Variants in ATP2C1 observed in about 807,000 individuals in gnomAD.
ATP2C1 encodes the protein calcium-transporting ATPase type 2C member 1.
A neutral mutation model predicts 120.5 loss-of-function variants in ATP2C1; 31 were observed. That is an observed-to-expected ratio of 0.26 (90% CI 0.19 to 0.35). The LOEUF is 0.35. Ranked by LOEUF, ATP2C1 falls within the 10% of genes least tolerant of loss-of-function variation. The pLI, the probability that ATP2C1 is intolerant of heterozygous loss-of-function variation, is 1.00. For missense variants in ATP2C1, 731 were observed against 1,107.5 expected (o/e 0.66, Z 4.83); for synonymous variants, 351 against 358.7 (o/e 0.98, Z 0.24).
intron 11 of ATP2C1, among the ~76,000 whole-genome samples, chr3:130,958,666 A>C (rs1312062171): frequency 1.3e-5 from 2 of 152,152 alleles, no homozygotes; most frequent in Non-Finnish European, 2.9e-5. Flanking sequence ...TTCAAAGATA[A>C]AAGGTTAAAG....
At chr3:130,962,667 G>A (rs189891666) in intron 12 of ATP2C1, among the ~76,000 whole-genome samples, 3 of 139,352 alleles carry the variant, frequency 2.2e-5, no homozygotes, top group East Asian at 2.1e-4. Context: ...AAGATTCGTT[G>A]TATCTAGATT....
Position 130,869,429 on chromosome 3 carries a change from T to TAAAAAAAAAAAAAAAAAAAAAAAA in ATP2C1, c.108+18508_108+18531dup, listed in dbSNP as rs762137045. The TAAAAAAAAAAAAAAAAAAAAAAAA allele has an allele frequency of 2.8e-5, 3 of 106,628 alleles. 1 individual carries two copies. The highest frequency in any genetic ancestry group is 1.2e-4 in the African/African-American group (3 of 25,602). 6.6% of individuals were successfully genotyped at this position (106,628 alleles called of 1,614,324 possible). A position where few individuals can be genotyped will look rare whatever the true frequency, so the allele number is the denominator to read the frequency against. ...ACACCCAAGAATGATCAATAAAAAATAAAAAAAAAAAAAAAAAAAAAAAAA... is the reference window on the plus strand; with the variant it reads ...ACACCCAAGAATGATCAATAAAAAATAAAAAAAAAAAAAAAAAAAAAAAAAAAAAAAAAAAAAAAAAAAAAAAAA... On this transcript the variant is annotated intron_variant, in intron 1 of 26. Transcript: ENST00000504381.
intron 22 of ATP2C1, among the ~76,000 whole-genome samples, chr3:130,994,421 A>G (rs560417866): frequency 2.2e-4 from 34 of 152,276 alleles, no homozygotes; most frequent in Middle Eastern, 3.4e-3. Context: ...ATGCATATGT[A>G]TGGCTCTTTT....
At chr3:130,874,045 G>A (rs908807825) in intron 1 of ATP2C1, among the ~76,000 whole-genome samples, 2 of 151,826 alleles carry the variant, frequency 1.3e-5, no homozygotes, top group East Asian at 3.8e-4. Context: ...AGGAGGCAGA[G>A]GTTGCAGTGA....
At chr3:130,936,205 GT>G (rs532266272) in intron 5 of ATP2C1, among the ~76,000 whole-genome samples, 3 of 151,344 alleles carry the variant, frequency 2.0e-5, no homozygotes, top group Admixed American at 6.6e-5. Flanking sequence ...ACAAATGTGT[GT>G]TTTTTTTAAA....
chr3:130,946,748 A>G (rs1333132104), intron 8 of ATP2C1, among the ~76,000 whole-genome samples: 1 of 152,246 alleles, frequency 6.6e-6, no homozygotes, highest in Non-Finnish European at 1.5e-5. Flanking sequence ...ATGCTTTTTC[A>G]AAAAAGAATG....
chr3:130,914,121 A>G (rs1037392598), intron 2 of ATP2C1, among the ~76,000 whole-genome samples: 2 of 152,122 alleles, frequency 1.3e-5, no homozygotes, highest in Admixed American at 6.6e-5. Context: ...CTGTGATAAC[A>G]TATAAATGAC....
At position 130,955,171 on chromosome 3, in the gene ATP2C1, GA is replaced by G. The variant is rs1464353023; in HGVS notation, c.756+92del. On this transcript the variant is annotated intron_variant, in intron 10 of 27. Coordinates refer to ENST00000510168, the MANE Select transcript of ATP2C1 (RefSeq NM_001378687.1). ...ATGTTGGATTATTTTATATACTATTGAGAGCAATATTTTATTCAGAATGGAA... is the reference window on the plus strand; with the variant it reads ...ATGTTGGATTATTTTATATACTATTGGAGCAATATTTTATTCAGAATGGAA... 3 of 900,654 alleles carry G rather than the reference GA, an allele frequency of 3.3e-6. No homozygotes were observed. The East Asian group carries it at 7.5e-5, about 23-fold the overall frequency. 55.8% of individuals were successfully genotyped at this position (900,654 alleles called of 1,614,324 possible).
chr3:130,965,072 C>T (rs555281290), intron 14 of ATP2C1, 27 bp downstream of exon 14: 2 of 1,504,542 alleles, frequency 1.3e-6, no homozygotes, highest in South Asian at 2.2e-5. Flanking sequence ...TAAAAACAAA[C>T]AAAAACAGTA....
chr3:130,885,343 A>G (rs1316141888), intron 1 of ATP2C1, among the ~76,000 whole-genome samples: 1 of 152,062 alleles, frequency 6.6e-6, no homozygotes, highest in Non-Finnish European at 1.5e-5. Context: ...ACTTAATGTT[A>G]TTATTGATAA....
chr3:130,973,840 C>T (rs2061432849), intron 17 of ATP2C1, among the ~76,000 whole-genome samples: 1 of 151,910 alleles, frequency 6.6e-6, no homozygotes, highest in Admixed American at 6.6e-5. Flanking sequence ...GAAATTTATC[C>T]CTAGCTAAAC....
intron 4 of ATP2C1, among the ~76,000 whole-genome samples, chr3:130,933,640 T>C (rs983554140): frequency 6.6e-6 from 1 of 152,226 alleles, no homozygotes; most frequent in African/African-American, 2.4e-5. Flanking sequence ...GTTTAACTTA[T>C]TATTTTTTAA....
intron 8 of ATP2C1, among the ~76,000 whole-genome samples, chr3:130,942,977 C>T (rs2059987521): frequency 6.6e-6 from 1 of 152,152 alleles, no homozygotes; most frequent in African/African-American, 2.4e-5. Context: ...CAGAACTTCT[C>T]ATTGGGATAG....
intron 2 of ATP2C1, among the ~76,000 whole-genome samples, chr3:130,921,866 AG>A (rs2058981966): frequency 6.6e-6 from 1 of 152,158 alleles, no homozygotes; most frequent in South Asian, 2.1e-4. Flanking sequence ...TCAGTTAGCT[AG>A]TATTTTGTTG....
chr3:131,001,170 C>A, intron 27 of ATP2C1, 50 bp from the exon 28 acceptor site: 1 of 1,378,216 alleles, frequency 7.3e-7, no homozygotes, highest in Non-Finnish European at 1.0e-6. Context: ...TTAAGCTTTG[C>A]AACTGTAAGT....
chr3:130,862,684 G>A (rs2068055433), intron 1 of ATP2C1, among the ~76,000 whole-genome samples: 2 of 152,190 alleles, frequency 1.3e-5, no homozygotes, highest in Admixed American at 1.3e-4. Context: ...TTTAGTACAG[G>A]TAGTAGGGAT....
chr3:130,937,922 G>A (rs1239891916), intron 6 of ATP2C1, among the ~76,000 whole-genome samples: 1 of 152,150 alleles, frequency 6.6e-6, no homozygotes, highest in African/African-American at 2.4e-5. Flanking sequence ...AATTCCACAG[G>A]TTTCTGTGAC....
chr3:130,959,436 T>C, intron 12 of ATP2C1, 95 bp downstream of exon 12: 1 of 788,780 alleles, frequency 1.3e-6, no homozygotes, highest in Non-Finnish European at 2.2e-6. Context: ...CAGTATTACA[T>C]GGAGCCCATA....
chr3:130,917,208 G>A (rs759211415), intron 2 of ATP2C1, among the ~76,000 whole-genome samples: 1 of 152,196 alleles, frequency 6.6e-6, no homozygotes, highest in Non-Finnish European at 1.5e-5. Context: ...AATAGGCTAT[G>A]CTAAGCTATG....
Sources: allele counts gnomAD v4.1 joint callset (sites outside exome capture counted in the v4.1 genomes callset), GRCh38; gene constraint gnomAD v4.1.1; transcripts MANE v1.5; gene names NCBI Gene and HGNC (gene_info 2026-07-23, HGNC 2026-07-21).